PTPRO: variants seen among roughly 807,000 people sequenced by gnomAD.
PTPRO encodes the protein receptor-type tyrosine-protein phosphatase O.
A neutral mutation model predicts 145.2 loss-of-function variants in PTPRO; 62 were observed. That is an observed-to-expected ratio of 0.43 (90% CI 0.35 to 0.53). PTPRO has a LOEUF of 0.53. PTPRO is among the 20% of genes least tolerant of loss of function. The pLI is 0.01. For missense variants in PTPRO, 1,345 were observed against 1,482.7 expected (o/e 0.91, Z 1.53); for synonymous variants, 565 against 514.7 (o/e 1.10, Z -1.32).
At chr12:15,508,858 G>C (rs530535321) in intron 7 of PTPRO, 91 bp downstream of exon 7, 1 of 1,282,794 alleles carries the variant, frequency 7.8e-7, no homozygotes, top group Non-Finnish European at 1.1e-6. Flanking sequence ...AGGAAGCCAG[G>C]CTGAGGTCTG....
chr12:15,515,316 C>T (rs1268125968), intron 7 of PTPRO, among the ~76,000 whole-genome samples, 182 bp from the exon 8 acceptor site: 1 of 152,042 alleles, frequency 6.6e-6, no homozygotes, highest in Non-Finnish European at 1.5e-5. Context: ...TTCTAGGTTC[C>T]CTTCAATGTT....
At position 15,454,570 on chromosome 12, in the gene PTPRO, GATATAGTCTGTTGTCT is replaced by G. The variant is rs555461620; in HGVS notation, c.76-29385_76-29370del. Among the ~76,000 whole-genome samples the G allele has an allele frequency of 8.4e-3, 1,271 of 152,190 alleles. 9 individuals carry two copies. Among genetic ancestry groups the G allele is most frequent in the African/African-American group, 0.029 (1,210 of 41,526 alleles). Reference sequence around the variant, plus strand: ...TTGCTGTGCAGAAACTTTATAGTTTGATATAGTCTGTTGTCTATATAGTCTGTTGTCTATGTTTCCT... The same window carrying G: ...TTGCTGTGCAGAAACTTTATAGTTTGATATAGTCTGTTGTCTATGTTTCCT... On this transcript the variant is annotated intron_variant, in intron 1 of 26. Coordinates refer to ENST00000281171, the MANE Select transcript of PTPRO (RefSeq NM_030667.3).
intron 1 of PTPRO, among the ~76,000 whole-genome samples, chr12:15,354,785 AC>A (rs1311777298): frequency 3.3e-5 from 5 of 152,218 alleles, no homozygotes; most frequent in Non-Finnish European, 5.9e-5. Context: ...ACCCCGTTTT[AC>A]AAATGACAAA....
At position 15,594,165 on chromosome 12, in the gene PTPRO, T is replaced by C. The variant is rs535484640; in HGVS notation, c.3547-772T>C. On this transcript the variant is annotated intron_variant, in intron 25 of 26. Coordinates refer to ENST00000281171, the MANE Select transcript of PTPRO (RefSeq NM_030667.3). ...GGTTTACCCTGTGTTTTATTCTTTT[T>C]AACTTTTTAAAATATACAGTAGATT... is the stretch of plus-strand genomic sequence containing the variant. 1.4e-3 allele frequency among the ~76,000 whole-genome samples: 212 copies of C among 152,276 alleles called. 1 individual carries two copies. Among genetic ancestry groups the C allele is most frequent in the African/African-American group, 4.9e-3 (202 of 41,580 alleles).
chr12:15,519,193 G>T (rs893699927), intron 9 of PTPRO, among the ~76,000 whole-genome samples: 1 of 152,166 alleles, frequency 6.6e-6, no homozygotes, highest in East Asian at 1.9e-4. Flanking sequence ...GAGAGCTTGT[G>T]CAGGAAAACT....
At chr12:15,388,058 C>G (rs2136282867) in intron 1 of PTPRO, among the ~76,000 whole-genome samples, 1 of 152,150 alleles carries the variant, frequency 6.6e-6, no homozygotes, top group Non-Finnish European at 1.5e-5. Context: ...CATTATAGAA[C>G]AACCTCCAGC....
intron 1 of PTPRO, among the ~76,000 whole-genome samples, chr12:15,476,288 G>C (rs1041797836): frequency 6.6e-6 from 1 of 152,076 alleles, no homozygotes; most frequent in East Asian, 1.9e-4. Context: ...CTTGATCCCG[G>C]CAATGCATTC....
intron 1 of PTPRO, among the ~76,000 whole-genome samples, chr12:15,361,648 G>A (rs1241367334): frequency 4.6e-5 from 7 of 152,044 alleles, no homozygotes; most frequent in East Asian, 1.9e-4. Context: ...TCAGCAGTGC[G>A]TTTAGTTTGC....
At chr12:15,439,934 G>T (rs376681666) in intron 1 of PTPRO, 2 of 676,868 alleles carry the variant, frequency 3.0e-6, no homozygotes, top group South Asian at 3.2e-5. Flanking sequence ...TGGCCACATC[G>T]GTCTGGGTGT....
At chr12:15,328,238 T>C (rs1866502589) in intron 1 of PTPRO, among the ~76,000 whole-genome samples, 1 of 152,140 alleles carries the variant, frequency 6.6e-6, no homozygotes, top group Non-Finnish European at 1.5e-5. Context: ...AGAACACCAA[T>C]CCTTAGATTT....
chr12:15,364,730 C>T (rs533998866), intron 1 of PTPRO, among the ~76,000 whole-genome samples: 1 of 152,282 alleles, frequency 6.6e-6, no homozygotes. Context: ...AAAACTTTCT[C>T]TGAATTTTGC....
chr12:15,540,101 C>T (rs563307934), intron 12 of PTPRO, among the ~76,000 whole-genome samples: 1 of 152,052 alleles, frequency 6.6e-6, no homozygotes, highest in African/African-American at 2.4e-5. Flanking sequence ...TCTTAACTCA[C>T]CCTGAATAAT....
At chr12:15,435,212 C>G (rs970641927) in intron 1 of PTPRO, among the ~76,000 whole-genome samples, 18 of 152,070 alleles carry the variant, frequency 1.2e-4, no homozygotes, top group African/African-American at 4.1e-4. Flanking sequence ...TTGTAGCTAT[C>G]AAAAATATGA....
At chr12:15,327,091 AT>A (rs1475961431) in intron 1 of PTPRO, among the ~76,000 whole-genome samples, 1 of 152,240 alleles carries the variant, frequency 6.6e-6, no homozygotes, top group Admixed American at 6.5e-5. Flanking sequence ...TTGTGAACAC[AT>A]CTTTAAGGAA....
chr12:15,485,388 A>G (rs964179600), intron 2 of PTPRO, among the ~76,000 whole-genome samples: 1 of 152,174 alleles, frequency 6.6e-6, no homozygotes, highest in Non-Finnish European at 1.5e-5. Context: ...CTAGAAAAAG[A>G]TGAATTGCAA....
At chr12:15,460,260 A>T (rs148570977) in intron 1 of PTPRO, among the ~76,000 whole-genome samples, 2 of 152,294 alleles carry the variant, frequency 1.3e-5, no homozygotes, top group Admixed American at 6.5e-5. Context: ...TGTCTTGTGG[A>T]TCAGCAGCAT....
chr12:15,471,850 A>G (rs776582594), intron 1 of PTPRO, among the ~76,000 whole-genome samples: 3 of 152,174 alleles, frequency 2.0e-5, no homozygotes, highest in Non-Finnish European at 4.4e-5. Context: ...TGCTCTGACA[A>G]TTTCTGAGAG....
chr12:15,430,937 T>G (rs2136340835), intron 1 of PTPRO, among the ~76,000 whole-genome samples: 1 of 152,334 alleles, frequency 6.6e-6, no homozygotes, highest in East Asian at 1.9e-4. Flanking sequence ...AAGACTTGAC[T>G]TTGTTAAAGA....
Position 15,334,037 on chromosome 12 carries a change from C to CT in PTPRO, c.75+11238dup, listed in dbSNP as rs543579400. Among the ~76,000 whole-genome samples the CT allele has an allele frequency of 3.9e-3, 593 of 152,166 alleles. 4 individuals are homozygous for CT. The highest frequency in any genetic ancestry group is 5.8e-3 in the Non-Finnish European group (392 of 67,978). On this transcript the variant is annotated intron_variant, in intron 1 of 26. Transcript: ENST00000281171. ...ACGGTTTGAAAATGTCAAATAGAAA[C>CT]TTAATGTGTAAATCTTTTTTTCTCT...
Sources: allele counts gnomAD v4.1 joint callset (sites outside exome capture counted in the v4.1 genomes callset), GRCh38; gene constraint gnomAD v4.1.1; transcripts MANE v1.5; gene names NCBI Gene and HGNC (gene_info 2026-07-23, HGNC 2026-07-21).